The following KNL1 variants were observed in gnomAD, a reference collection of about 807,000 sequenced individuals.
The protein encoded by KNL1 is kinetochore scaffold 1, also known as outer kinetochore KNL1 complex subunit KNL1.
Under a neutral mutation model 201.3 loss-of-function variants are expected in KNL1, and 66 were observed. The ratio of observed to expected loss-of-function variants is 0.33; its 90% CI spans 0.27 to 0.40. The LOEUF is 0.40. Among genes scored for constraint, KNL1 ranks in the 10% least tolerant of loss-of-function variants. The pLI is 1.00. For missense variants in KNL1, 2,815 were observed against 2,690.5 expected, an observed-to-expected ratio of 1.05 and a Z score of -1.02; for synonymous variants, 895 against 899.2, an observed-to-expected ratio of 1.00 and a Z score of 0.08.
intron 14 of KNL1, 75 bp from the exon 15 acceptor site, chr15:40,644,922 C>A: frequency 1.1e-6 from 1 of 880,404 alleles, no homozygotes; most frequent in Non-Finnish European, 1.8e-6. Flanking sequence ...TACGTCTTTC[C>A]TTTCTACATA....
chr15:40,602,715 C>T (rs997663975), intron 1 of KNL1, among the ~76,000 whole-genome samples, 200 bp from the exon 2 acceptor site: 1 of 148,968 alleles, frequency 6.7e-6, no homozygotes, highest in African/African-American at 2.5e-5. Flanking sequence ...AAACTTCTGA[C>T]CTCAGGTGAT....
chr15:40,645,603 C>G, intron 15 of KNL1, 53 bp from the exon 16 acceptor site: 1 of 939,104 alleles, frequency 1.1e-6, no homozygotes, highest in Non-Finnish European at 1.6e-6. Context: ...GACCATTTAC[C>G]TCTTCTGACT....
At chr15:40,643,168 AT>A (rs1206413584) in intron 14 of KNL1, 1 of 152,060 alleles carries the variant, frequency 6.6e-6, no homozygotes, top group Non-Finnish European at 1.5e-5. Context: ...TTTGAACTGA[AT>A]TGGAAACTTT....
chr15:40,600,117 C>T (rs530952868), intron 1 of KNL1, among the ~76,000 whole-genome samples: 1 of 149,868 alleles, frequency 6.7e-6, no homozygotes, highest in African/African-American at 2.5e-5. Flanking sequence ...ACTTTGTTGC[C>T]CAGGTTGGAG....
At position 40,625,052 on chromosome 15, in the gene KNL1, T is replaced by C. The variant is rs199708247; in HGVS notation, c.4788T>C (p.Asp1596=). The change falls in exon 10 of 26, where the codon GAT becomes GAC. Residue 1596 remains aspartate, a synonymous_variant. Transcript: ENST00000399668. ...LLELGNKAHN[D]MHIVQATEIH... is the part of the protein sequence containing the mutation. Reference sequence around the variant, plus strand: ...AATTAGGAAATAAGGCACACAATGATATGCATATAGTGCAAGCTACAGAAA... The same window carrying C: ...AATTAGGAAATAAGGCACACAATGACATGCATATAGTGCAAGCTACAGAAA... The C allele has an allele frequency of 6.2e-6, 10 of 1,613,808 alleles. No individual in the cohort carries two copies. The Admixed American group carries it at 1.5e-4, about 24-fold the overall frequency.
chr15:40,629,729 C>T (rs970095196), intron 13 of KNL1, among the ~76,000 whole-genome samples: 30 of 151,830 alleles, frequency 2.0e-4, no homozygotes, highest in African/African-American at 7.3e-4. Flanking sequence ...TCTTGAACTC[C>T]TGACCTCGTG....
intron 13 of KNL1, among the ~76,000 whole-genome samples, chr15:40,637,002 G>C (rs1387747535): frequency 1.3e-5 from 2 of 150,794 alleles, no homozygotes; most frequent in Admixed American, 1.3e-4. Flanking sequence ...CCATAAAATG[G>C]TTAATTATTC....
chr15:40,626,314 G>A (rs1278433575), intron 10 of KNL1, among the ~76,000 whole-genome samples: 10 of 150,724 alleles, frequency 6.6e-5, no homozygotes, highest in Non-Finnish European at 1.3e-4. Context: ...CACCACACCC[G>A]GCTAATTTCT....
Position 40,608,842 on chromosome 15 carries a change from C to T in KNL1, c.136-5C>T. 2 of 1,598,842 alleles carry T rather than the reference C, an allele frequency of 1.3e-6. No homozygotes were observed. Among genetic ancestry groups the T allele is most frequent in the Non-Finnish European group, 1.7e-6 (2 of 1,166,910 alleles). On this transcript the variant is annotated splice_polypyrimidine_tract_variant and splice_region_variant and intron_variant, in intron 4 of 25. Coordinates refer to ENST00000399668, the MANE Select transcript of KNL1 (RefSeq NM_144508.5). ...AGAATTATACCATATATTCTCTGCC[C>T]TTAGGAATCCAATGCTTTGAGAAAT...
In KNL1 at chr15:40,652,413, T is replaced by C. The variant is rs534624048; in HGVS notation, c.6415+308T>C. On this transcript the variant is annotated intron_variant, in intron 21 of 25. Coordinates refer to ENST00000399668, the MANE Select transcript of KNL1 (RefSeq NM_144508.5). ...GTTTCTTTCTTTTCATCTCCATCTTTCGTGATAGAGAATAGAGAATTTACC... is the reference window on the plus strand; with the variant it reads ...GTTTCTTTCTTTTCATCTCCATCTTCCGTGATAGAGAATAGAGAATTTACC... Among the ~76,000 whole-genome samples the C allele has an allele frequency of 1.3e-4, 20 of 152,158 alleles. 1 individual carries two copies. In the South Asian group the frequency reaches 3.5e-3, roughly 27 times the overall value.
chr15:40,604,853 A>C (rs1891923901), intron 2 of KNL1, among the ~76,000 whole-genome samples: 2 of 152,236 alleles, frequency 1.3e-5, no homozygotes, highest in Admixed American at 1.3e-4. Context: ...CATTTATCTT[A>C]TTATTATACC....
In KNL1 at chr15:40,622,847, T is replaced by G. The variant is rs8041534; in HGVS notation, c.2583T>G (p.Thr861=). The part of the protein sequence containing the change: ...KSVGGPKIDK[T]IVFSEDDKND... Reference sequence around the variant, plus strand: ...TTGGTGGACCAAAAATTGATAAGACTATTGTATTTTCAGAAGACGATAAGA... The same window carrying G: ...TTGGTGGACCAAAAATTGATAAGACGATTGTATTTTCAGAAGACGATAAGA... Residue 861 remains threonine, a synonymous_variant, in exon 10 of 26, where the codon ACT becomes ACG. Transcript: ENST00000399668. 638,384 of 1,612,450 alleles carry G rather than the reference T, an allele frequency of 0.4. 128,798 individuals are homozygous for G. The highest frequency in any genetic ancestry group is 0.49 in the South Asian group (44,715 of 90,966).
At chr15:40,612,984 C>T (rs1480311085) in intron 7 of KNL1, among the ~76,000 whole-genome samples, 2 of 152,152 alleles carry the variant, frequency 1.3e-5, no homozygotes, top group African/African-American at 4.8e-5. Context: ...CACCAATATA[C>T]GTGTAAATGT....
intron 19 of KNL1, 150 bp from the exon 20 acceptor site, chr15:40,651,321 A>G: frequency 2.8e-6 from 1 of 363,340 alleles, no homozygotes; most frequent in Non-Finnish European, 5.0e-6. Flanking sequence ...AACTAAACTA[A>G]GAATGCAGAA....
intron 2 of KNL1, among the ~76,000 whole-genome samples, chr15:40,604,492 A>C (rs1321749318): frequency 6.6e-6 from 1 of 152,176 alleles, no homozygotes; most frequent in Non-Finnish European, 1.5e-5. Flanking sequence ...AAGTATAGAC[A>C]TGGGCCACTG....
intron 1 of KNL1, among the ~76,000 whole-genome samples, chr15:40,595,121 C>T (rs920274882): frequency 7.2e-5 from 11 of 152,158 alleles, no homozygotes; most frequent in Non-Finnish European, 1.6e-4. Flanking sequence ...AAGACCAAAG[C>T]AGAAGCTTAT....
In KNL1 at chr15:40,651,945, A is replaced by T. The variant is rs542132480; in HGVS notation, c.6315-60A>T. ...TTGGTACTGTTTGGGTGGTATCAGA[A>T]GTTCTCTTTTATGTTAATTTTAAAA... On this transcript the variant is annotated intron_variant, in intron 20 of 25. Transcript: ENST00000399668. 3.9e-5 allele frequency: 45 copies of T among 1,146,816 alleles called. 1 individual carries two copies. In the South Asian group the frequency reaches 5.7e-4, roughly 14 times the overall value. 71.0% of individuals were successfully genotyped at this position (1,146,816 alleles called of 1,614,324 possible). A position where few individuals can be genotyped will look rare whatever the true frequency, so the allele number is the denominator to read the frequency against.
chr15:40,662,367 A>G lies in KNL1; in HGVS notation c.*179A>G, dbSNP rs769095905. The G allele has an allele frequency of 1.9e-6, 1 of 531,660 alleles. No individual in the cohort carries two copies. The highest frequency in any genetic ancestry group is 3.4e-6 in the Non-Finnish European group (1 of 298,112). 32.9% of individuals were successfully genotyped at this position (531,660 alleles called of 1,614,324 possible). On this transcript the variant is annotated 3_prime_UTR_variant, in exon 26 of 26. Coordinates refer to ENST00000399668, the MANE Select transcript of KNL1 (RefSeq NM_144508.5). ...GCAGAATGATGGTGATGAAGTCTGGATGGTAGGCCTCATAGCCTACTATCA... is the reference window on the plus strand; with the variant it reads ...GCAGAATGATGGTGATGAAGTCTGGGTGGTAGGCCTCATAGCCTACTATCA...
intron 4 of KNL1, among the ~76,000 whole-genome samples, chr15:40,608,417 G>A (rs1163098101): frequency 3.4e-5 from 4 of 116,684 alleles, no homozygotes; most frequent in East Asian, 2.6e-4. Flanking sequence ...CTGGGCGACA[G>A]AACAAAACCG....
Sources: allele counts gnomAD v4.1 joint callset (sites outside exome capture counted in the v4.1 genomes callset), GRCh38; gene constraint gnomAD v4.1.1; transcripts MANE v1.5; gene names NCBI Gene and HGNC (gene_info 2026-07-23, HGNC 2026-07-21).